RIMS2: variants seen among roughly 807,000 people sequenced by gnomAD.
The protein encoded by RIMS2 is regulating synaptic membrane exocytosis protein 2.
In RIMS2, 59 loss-of-function variants were observed where a neutral mutation model predicts 174.4. The observed-to-expected ratio is 0.34, with a 90% CI of 0.27 to 0.42. RIMS2 has a LOEUF of 0.42. Among genes scored for constraint, RIMS2 ranks in the 10% least tolerant of loss-of-function variants. The pLI, the probability that RIMS2 is intolerant of heterozygous loss-of-function variation, is 1.00. For missense variants in RIMS2, 1,620 were observed against 1,666.3 expected, an observed-to-expected ratio of 0.97 and a Z score of 0.48; for synonymous variants, 606 against 572.5, an observed-to-expected ratio of 1.06 and a Z score of -0.84.
At chr8:103,785,811 T>C (rs1200698644) in intron 3 of RIMS2, among the ~76,000 whole-genome samples, 1 of 152,206 alleles carries the variant, frequency 6.6e-6, no homozygotes, top group Non-Finnish European at 1.5e-5. Context: ...GATTCCCTCT[T>C]TTTCTATTGA....
chr8:103,523,608 T>C (rs1832718579), intron 1 of RIMS2, among the ~76,000 whole-genome samples: 1 of 151,944 alleles, frequency 6.6e-6, no homozygotes, highest in Admixed American at 6.6e-5. Flanking sequence ...GGTTGAGGGG[T>C]ATGGTGTTGG....
At chr8:103,795,644 C>T (rs1431755474) in intron 3 of RIMS2, among the ~76,000 whole-genome samples, 1 of 151,884 alleles carries the variant, frequency 6.6e-6, no homozygotes, top group Non-Finnish European at 1.5e-5. Flanking sequence ...TATCGTTTTT[C>T]CCACCAGATG....
At chr8:103,958,552 A>G (rs1370893733) in intron 14 of RIMS2, among the ~76,000 whole-genome samples, 4 of 152,216 alleles carry the variant, frequency 2.6e-5, no homozygotes, top group Non-Finnish European at 5.9e-5. Flanking sequence ...CTTCAAACCT[A>G]AAATAAAAGT....
intron 3 of RIMS2, among the ~76,000 whole-genome samples, chr8:103,831,512 C>T (rs1023223248): frequency 6.6e-6 from 1 of 152,146 alleles, no homozygotes; most frequent in Non-Finnish European, 1.5e-5. Flanking sequence ...TGACCTCGGC[C>T]AATTGGCCTT....
intron 2 of RIMS2, among the ~76,000 whole-genome samples, chr8:103,747,060 G>C (rs1018344886): frequency 6.8e-6 from 1 of 147,980 alleles, no homozygotes; most frequent in Non-Finnish European, 1.5e-5. Flanking sequence ...CCCTGCAAAG[G>C]ACATGATCTT....
chr8:103,530,169 G>C (rs1836323046), intron 1 of RIMS2, among the ~76,000 whole-genome samples: 2 of 152,312 alleles, frequency 1.3e-5, no homozygotes, highest in South Asian at 4.1e-4. Flanking sequence ...AAGTTACATT[G>C]CCAGGAAGAA....
intron 1 of RIMS2, among the ~76,000 whole-genome samples, chr8:103,564,170 T>G (rs1245583816): frequency 1.3e-5 from 2 of 152,214 alleles, no homozygotes; most frequent in African/African-American, 4.8e-5. Flanking sequence ...GCACTAAAGT[T>G]AATCTCTTTG....
chr8:104,020,257 T>TAATCACTA (rs1039548825), intron 19 of RIMS2, among the ~76,000 whole-genome samples: 2 of 151,976 alleles, frequency 1.3e-5, no homozygotes, highest in Non-Finnish European at 2.9e-5. Context: ...TCTTAATCAT[T>TAATCACTA]AATCACTATT....
chr8:103,726,784 G>GTGC lies in RIMS2; in HGVS notation c.387+29489_387+29491dup, dbSNP rs1447887226. On this transcript the variant is annotated intron_variant, in intron 2 of 23. Coordinates refer to ENST00000504942, the Ensembl canonical transcript of RIMS2. ...GTCTCGCTTTGTAGCTCAGGCTGGAGTGCAGTGGCGCGATCTGGGCTCACT... is the reference window on the plus strand; with the variant it reads ...GTCTCGCTTTGTAGCTCAGGCTGGAGTGCTGCAGTGGCGCGATCTGGGCTCACT... Among the ~76,000 whole-genome samples the GTGC allele has an allele frequency of 2.0e-5, 3 of 149,478 alleles. No homozygotes were observed. In the East Asian group the frequency reaches 5.8e-4, roughly 29 times the overall value.
intron 4 of RIMS2, among the ~76,000 whole-genome samples, chr8:103,892,551 C>T (rs1232139026): frequency 6.6e-6 from 1 of 151,918 alleles, no homozygotes; most frequent in East Asian, 1.9e-4. Context: ...TTTTAAAAGT[C>T]AAAGATTGAT....
chr8:103,757,468 G>A (rs948224783), intron 2 of RIMS2, among the ~76,000 whole-genome samples: 2 of 151,816 alleles, frequency 1.3e-5, no homozygotes, highest in Non-Finnish European at 2.9e-5. Flanking sequence ...ATATATATTT[G>A]CTGTATAAAA....
exon 1 of RIMS2, chr8:103,500,832 C>T (rs1586218494): frequency 4.0e-6 from 5 of 1,247,642 alleles, no homozygotes; most frequent in African/African-American, 1.6e-5. Flanking sequence ...CCGGTGCCGC[C>T]GCTGCCAGTG....
rs867085584 is a variant in RIMS2 at position 103,755,809 on chromosome 8, C to G, written c.388-10418C>G. On this transcript the variant is annotated intron_variant, in intron 2 of 23. Coordinates refer to ENST00000504942, the Ensembl canonical transcript of RIMS2. The stretch of plus-strand genomic sequence containing the variant: ...TATGTTCTTCTCTAAACTGATTATT[C>G]TATTTAGCAATTCATCTAACCTTTT... Among the ~76,000 whole-genome samples the G allele has an allele frequency of 3.5e-4, 54 of 152,244 alleles. 2 individuals are homozygous for G. Among genetic ancestry groups the G allele is most frequent in the Middle Eastern group, 6.8e-3 (2 of 292 alleles).
intron 4 of RIMS2, among the ~76,000 whole-genome samples, chr8:103,900,026 T>C (rs1260183528): frequency 6.6e-6 from 1 of 151,614 alleles, no homozygotes; most frequent in Non-Finnish European, 1.5e-5. Context: ...GATCAGATAG[T>C]TGTAGATGTG....
chr8:103,864,067 C>G (rs954379126), intron 3 of RIMS2, among the ~76,000 whole-genome samples: 1 of 151,944 alleles, frequency 6.6e-6, no homozygotes, highest in African/African-American at 2.4e-5. Flanking sequence ...TTCCACCATG[C>G]CTGGCTAATT....
chr8:103,682,552 G>A (rs2096892701), intron 1 of RIMS2, among the ~76,000 whole-genome samples: 1 of 152,108 alleles, frequency 6.6e-6, no homozygotes, highest in Non-Finnish European at 1.5e-5. Context: ...GAGTAGAAGA[G>A]TGCCTGGCAT....
intron 1 of RIMS2, among the ~76,000 whole-genome samples, chr8:103,665,187 G>A (rs1445928572): frequency 6.6e-6 from 1 of 152,190 alleles, no homozygotes; most frequent in Non-Finnish European, 1.5e-5. Context: ...ATGACAAGTT[G>A]ATGGGTGCAG....
At chr8:103,958,151 CT>C (rs1374586955) in intron 14 of RIMS2, among the ~76,000 whole-genome samples, 1 of 152,118 alleles carries the variant, frequency 6.6e-6, no homozygotes, top group Non-Finnish European at 1.5e-5. Context: ...TGGAATTAAC[CT>C]AGATGCCCAT....
At chr8:103,543,672 A>C (rs1843568153) in intron 1 of RIMS2, among the ~76,000 whole-genome samples, 1 of 152,224 alleles carries the variant, frequency 6.6e-6, no homozygotes. Flanking sequence ...AACAGAATAG[A>C]GAGTCCAGAA....
Sources: gnomAD v4.1 joint callset for allele counts (sites outside exome capture counted in the v4.1 genomes callset) on GRCh38, gnomAD v4.1.1 for gene constraint, MANE v1.5 for transcripts, NCBI Gene and HGNC (gene_info 2026-07-23, HGNC 2026-07-21) for gene names.